The following OPRM1 variants were observed in gnomAD, a reference collection of about 807,000 sequenced individuals.
OPRM1 encodes the protein mu-type opioid receptor.
A neutral mutation model predicts 31.8 loss-of-function variants in OPRM1; 27 were observed. The observed-to-expected ratio is 0.85, with a 90% CI of 0.63 to 1.17. OPRM1 has a LOEUF of 1.17. Among genes scored for constraint, OPRM1 ranks in the 50% most tolerant of loss-of-function variants. The pLI is 0.00. For missense variants in OPRM1, 536 were observed against 511.1 expected, an observed-to-expected ratio of 1.05 and a Z score of -0.47; for synonymous variants, 196 against 189.9, an observed-to-expected ratio of 1.03 and a Z score of -0.26.
chr6:154,039,788 G>A lies in OPRM1; in HGVS notation c.244G>A (p.Val82Met), dbSNP rs113979021. 2.5e-6 allele frequency: 4 copies of A among 1,599,602 alleles called. No homozygotes were observed. The highest frequency in any genetic ancestry group is 2.2e-5 in the East Asian group (1 of 44,814). The change falls in exon 1 of 4, where the codon GTG (valine) becomes ATG (methionine). Residue 82 changes from valine (V) to methionine (M), a missense_variant. Physicochemically the swap from Val to Met is conservative, Grantham distance 21. Transcript: ENST00000330432. The part of the protein sequence containing the change: ...TIMALYSIVC[V>M]VGLFGNFLVM... ...CATGGCCCTCTACTCCATCGTGTGC[G>A]TGGTGGGGCTCTTCGGAAACTTCCT... is the stretch of plus-strand genomic sequence containing the variant.
intron 3 of OPRM1, among the ~76,000 whole-genome samples, chr6:154,236,003 T>C (rs1358181752): frequency 1.3e-5 from 2 of 152,158 alleles, no homozygotes; most frequent in African/African-American, 4.8e-5. Flanking sequence ...TGGTAGCGCC[T>C]CAAAAACAAT....
chr6:154,159,720 T>G (rs1347654532), intron 3 of OPRM1: 1 of 803,106 alleles, frequency 1.2e-6, no homozygotes, highest in Non-Finnish European at 2.0e-6. Flanking sequence ...AAGCTGATGC[T>G]TGAAGGACTG....
rs888017912 is a variant in OPRM1, at chr6:154,122,239, A to T, written c.*3518A>T. 6.6e-6 allele frequency among the ~76,000 whole-genome samples: 1 copy of T among 152,244 alleles called. No homozygotes were observed. Among genetic ancestry groups the T allele is most frequent in the Non-Finnish European group, 1.5e-5 (1 of 68,036 alleles). On this transcript the variant is annotated 3_prime_UTR_variant, in exon 4 of 4. Coordinates refer to ENST00000330432, the MANE Select transcript of OPRM1 (RefSeq NM_000914.5). ...CTGGAAGAAATATTATCCTCTTCAT[A>T]GAAATATCCACCAGCAGAAAATTGG...
At chr6:154,184,001 T>C (rs973205650) in intron 3 of OPRM1, among the ~76,000 whole-genome samples, 1 of 152,132 alleles carries the variant, frequency 6.6e-6, no homozygotes, top group Non-Finnish European at 1.5e-5. Context: ...AAGTACACAA[T>C]GTAGTACTGC....
chr6:154,169,627 A>G, intron 3 of OPRM1, among the ~76,000 whole-genome samples: 1 of 152,194 alleles, frequency 6.6e-6, no homozygotes, highest in African/African-American at 2.4e-5. Context: ...GGTTTTGAGT[A>G]GAAAGTGATC....
chr6:154,160,752 A>T (rs1191918049), intron 3 of OPRM1, among the ~76,000 whole-genome samples: 1 of 152,218 alleles, frequency 6.6e-6, no homozygotes, highest in Non-Finnish European at 1.5e-5. Flanking sequence ...TATTAAAAAC[A>T]AATATTCAGC....
chr6:154,021,109 C>T (rs553849855), intron 1 of OPRM1, among the ~76,000 whole-genome samples: 2 of 152,152 alleles, frequency 1.3e-5, no homozygotes, highest in Non-Finnish European at 2.9e-5. Flanking sequence ...ACATTTCTGT[C>T]TGTAATCCAT....
intron 3 of OPRM1, among the ~76,000 whole-genome samples, chr6:154,182,152 A>G (rs1349255654): frequency 4.6e-5 from 7 of 152,174 alleles, no homozygotes; most frequent in African/African-American, 1.7e-4. Context: ...TATAAAGCTA[A>G]TGTTTTTACT....
At chr6:154,194,340 C>T (rs912891010) in intron 3 of OPRM1, among the ~76,000 whole-genome samples, 6 of 151,868 alleles carry the variant, frequency 4.0e-5, no homozygotes, top group Admixed American at 1.3e-4. Flanking sequence ...CAGAGGTTGC[C>T]GTGAGCTGAG....
chr6:154,054,225 C>A (rs984928182), intron 1 of OPRM1, among the ~76,000 whole-genome samples: 4 of 151,854 alleles, frequency 2.6e-5, no homozygotes, highest in African/African-American at 9.7e-5. Flanking sequence ...AAAAATTAGC[C>A]GGGCATGGCG....
In OPRM1 at chr6:154,179,293, T is replaced by A. The variant is rs192916759; in HGVS notation, c.1165-67400T>A. Among the ~76,000 whole-genome samples, 218 of 152,364 alleles carry A rather than the reference T, an allele frequency of 1.4e-3. 1 individual carries two copies. The highest frequency in any genetic ancestry group is 1.9e-3 in the Non-Finnish European group (130 of 68,040). On this transcript the variant is annotated intron_variant, in intron 3 of 3. Coordinates refer to the OPRM1 transcript ENST00000337049. The stretch of plus-strand genomic sequence containing the variant: ...TGTCAAACCTTTCTGGCTACCCTTG[T>A]ACCTCCAAGAGGCTTTTCAGTAAAG...
chr6:154,035,891 C>T (rs1204212186), upstream of OPRM1, among the ~76,000 whole-genome samples: 2 of 152,080 alleles, frequency 1.3e-5, no homozygotes, highest in Admixed American at 6.5e-5. Context: ...AAGCAAGAAG[C>T]ATCAACAAAA....
intron 3 of OPRM1, among the ~76,000 whole-genome samples, chr6:154,169,801 T>C (rs1799730207): frequency 6.6e-6 from 1 of 152,218 alleles, no homozygotes. Flanking sequence ...CAGTCACTGA[T>C]TCAGAGATAA....
intron 3 of OPRM1, among the ~76,000 whole-genome samples, chr6:154,173,822 C>T (rs567452718): frequency 9.2e-5 from 14 of 152,212 alleles, no homozygotes; most frequent in East Asian, 7.7e-4. Flanking sequence ...ATACAGAGAA[C>T]GCCACAAAGA....
At chr6:154,185,115 A>C (rs1801221062) in intron 3 of OPRM1, among the ~76,000 whole-genome samples, 1 of 152,230 alleles carries the variant, frequency 6.6e-6, no homozygotes, top group South Asian at 2.1e-4. Context: ...GGTGATAAAG[A>C]AACATATTGA....
intron 1 of OPRM1, among the ~76,000 whole-genome samples, chr6:154,015,093 G>A (rs562350072): frequency 1.3e-5 from 2 of 152,240 alleles, no homozygotes; most frequent in East Asian, 3.9e-4. Context: ...CTTATAAGGA[G>A]ATCAGTTCTC....
chr6:154,118,186 G>T, intron 3 of OPRM1, among the ~76,000 whole-genome samples: 1 of 152,126 alleles, frequency 6.6e-6, no homozygotes, highest in East Asian at 1.9e-4. Context: ...GGATCAGGTA[G>T]GGTGTATACT....
intron 1 of OPRM1, among the ~76,000 whole-genome samples, chr6:154,028,802 C>G (rs921268731): frequency 6.6e-6 from 1 of 152,200 alleles, no homozygotes; most frequent in Non-Finnish European, 1.5e-5. Flanking sequence ...CAGAAGCACT[C>G]TCCATACACT....
chr6:154,064,452 A>G (rs1198801751), intron 1 of OPRM1, among the ~76,000 whole-genome samples: 2 of 152,220 alleles, frequency 1.3e-5, no homozygotes, highest in South Asian at 2.1e-4. Context: ...TTTTTACTAC[A>G]TGGATAGTGT....
Sources: allele counts gnomAD v4.1 joint callset (sites outside exome capture counted in the v4.1 genomes callset), GRCh38; gene constraint gnomAD v4.1.1; transcripts MANE v1.5; gene names NCBI Gene and HGNC (gene_info 2026-07-23, HGNC 2026-07-21).